MYLK: variants seen among roughly 807,000 people sequenced by gnomAD.
MYLK encodes the protein myosin light chain kinase, smooth muscle.
MYLK carries 106 observed loss-of-function variants against 203.4 expected under a neutral mutation model. The observed-to-expected ratio is 0.52, with a 90% CI of 0.45 to 0.61. The LOEUF is 0.61. Among genes scored for constraint, MYLK ranks in the 20% least tolerant of loss-of-function variants. MYLK has a pLI of 0.00. For missense variants in MYLK, 2,072 were observed against 2,442.3 expected (o/e 0.85, Z 3.20); for synonymous variants, 867 against 959.5 (o/e 0.90, Z 1.78).
At chr3:123,881,707 G>A (rs2033551818) in intron 1 of MYLK, among the ~76,000 whole-genome samples, 1 of 152,050 alleles carries the variant, frequency 6.6e-6, no homozygotes, top group Admixed American at 6.6e-5. Flanking sequence ...CAAACTCTAG[G>A]CTCATCTTAT....
rs145392128 is a variant in MYLK at position 123,667,368 on chromosome 3, G to A, written c.3653-181C>T. Reference sequence around the variant, plus strand: ...TGTAATCTCAGCACTTTGGGAGGCCGAGGCAGGTGGACCACTAGAGGTCAG... The same window carrying A: ...TGTAATCTCAGCACTTTGGGAGGCCAAGGCAGGTGGACCACTAGAGGTCAG... On this transcript the variant is annotated intron_variant, in intron 20 of 33. Transcript: ENST00000360304. Among the ~76,000 whole-genome samples, 43 of 152,174 alleles carry A rather than the reference G, an allele frequency of 2.8e-4. 1 individual carries two copies. The East Asian group carries it at 7.2e-3, about 25-fold the overall frequency.
intron 31 of MYLK, chr3:123,620,972 C>G (rs1302504151): frequency 6.5e-6 from 1 of 153,026 alleles, no homozygotes; most frequent in Non-Finnish European, 1.5e-5. Flanking sequence ...CTCTGGCTGG[C>G]CCCTGCACAA....
At chr3:123,668,316 A>T (rs1306613876) in intron 20 of MYLK, among the ~76,000 whole-genome samples, 2 of 152,240 alleles carry the variant, frequency 1.3e-5, no homozygotes, top group African/African-American at 4.8e-5. Flanking sequence ...TGGCACTTTG[A>T]TGCCACCAAT....
At chr3:123,872,758 A>G (rs1368866884) in intron 2 of MYLK, among the ~76,000 whole-genome samples, 1 of 152,174 alleles carries the variant, frequency 6.6e-6, no homozygotes, top group Non-Finnish European at 1.5e-5. Flanking sequence ...TGCTTAGTCA[A>G]TTCCAAAGCT....
chr3:123,674,032 C>T (rs1452933564), intron 20 of MYLK, among the ~76,000 whole-genome samples: 3 of 152,150 alleles, frequency 2.0e-5, no homozygotes, highest in African/African-American at 7.2e-5. Context: ...CTCTTTCCTC[C>T]ATTTCCCCTG....
intron 3 of MYLK, among the ~76,000 whole-genome samples, chr3:123,829,180 T>A (rs1368066745): frequency 6.6e-6 from 1 of 152,086 alleles, no homozygotes; most frequent in African/African-American, 2.4e-5. Context: ...AGCCAAGAAA[T>A]GGGATCAATG....
intron 19 of MYLK, among the ~76,000 whole-genome samples, chr3:123,688,867 C>T (rs545995533): frequency 1.3e-3 from 201 of 152,278 alleles, no homozygotes; most frequent in Non-Finnish European, 2.4e-3. Flanking sequence ...ATGGTATTCT[C>T]TCCCCCATTA....
intron 24 of MYLK, among the ~76,000 whole-genome samples, chr3:123,653,067 G>A (rs1405702062): frequency 6.6e-6 from 1 of 152,142 alleles, no homozygotes. Context: ...GTAGAAGAGC[G>A]AGAGGCAGGA....
chr3:123,809,634 C>G (rs1255335122), intron 3 of MYLK, among the ~76,000 whole-genome samples: 3 of 152,242 alleles, frequency 2.0e-5, no homozygotes, highest in African/African-American at 7.2e-5. Flanking sequence ...CACTCGCACA[C>G]TCTGCTCTGC....
chr3:123,861,027 G>A (rs2031848459), intron 2 of MYLK, among the ~76,000 whole-genome samples: 1 of 152,082 alleles, frequency 6.6e-6, no homozygotes, highest in South Asian at 2.1e-4. Flanking sequence ...CTACTTGGGA[G>A]GCTGAGGTAG....
At chr3:123,772,567 T>A (rs1576921888) in intron 4 of MYLK, among the ~76,000 whole-genome samples, 1 of 152,180 alleles carries the variant, frequency 6.6e-6, no homozygotes, top group Middle Eastern at 3.4e-3. Context: ...CACTAAAATT[T>A]AAAATTTCTG....
intron 3 of MYLK, among the ~76,000 whole-genome samples, chr3:123,799,056 G>A (rs1457625814): frequency 6.6e-6 from 1 of 152,124 alleles, no homozygotes; most frequent in Admixed American, 6.5e-5. Flanking sequence ...ACCCAGCTAG[G>A]GGGTCTTATT....
intron 3 of MYLK, among the ~76,000 whole-genome samples, chr3:123,829,944 T>C (rs1487643317): frequency 1.3e-5 from 2 of 152,106 alleles, no homozygotes; most frequent in Non-Finnish European, 2.9e-5. Context: ...AGTCCTATGG[T>C]GTCATGTGCC....
rs375516230 is a variant in MYLK at position 123,635,237 on chromosome 3, G to A, written c.4961+2834C>T. ...AGAGGGATAGAGTGGGCCAGAGGATGCCATGAGGGCCACCAGAGAGCCTCT... is the reference window on the plus strand; with the variant it reads ...AGAGGGATAGAGTGGGCCAGAGGATACCATGAGGGCCACCAGAGAGCCTCT... On this transcript the variant is annotated intron_variant, in intron 29 of 33. Transcript: ENST00000360304. 3.3e-5 allele frequency among the ~76,000 whole-genome samples: 5 copies of A among 152,360 alleles called. No individual in the cohort carries two copies. The East Asian group carries it at 9.6e-4, about 29-fold the overall frequency.
In MYLK at chr3:123,700,524, G is replaced by C. The variant is rs375731554; in HGVS notation, c.2944C>G (p.Arg982Gly). The C allele has an allele frequency of 1.2e-6, 2 of 1,613,380 alleles. No individual in the cohort carries two copies. Among genetic ancestry groups the C allele is most frequent in the Non-Finnish European group, 1.7e-6 (2 of 1,179,546 alleles). ...PPPKPATPDF[R>G]SVLGGKKKLP... ...TTCTTCTTGCCACCCAGCACTGAGCGAAAATCCGGGGTGGCAGGTTTTGGC... is the reference window on the plus strand; with the variant it reads ...TTCTTCTTGCCACCCAGCACTGAGCCAAAATCCGGGGTGGCAGGTTTTGGC... Residue 982 changes from arginine to glycine, a missense_variant, in exon 18 of 34, where the codon CGC becomes GGC. Transcript: ENST00000360304.
chr3:123,840,599 C>T (rs1229362481), intron 2 of MYLK, among the ~76,000 whole-genome samples: 2 of 150,946 alleles, frequency 1.3e-5, no homozygotes, highest in African/African-American at 4.9e-5. Flanking sequence ...AAGATAAAGA[C>T]ATTATAAAAA....
chr3:123,856,290 C>T (rs954896100), intron 2 of MYLK, among the ~76,000 whole-genome samples: 3 of 152,152 alleles, frequency 2.0e-5, no homozygotes, highest in African/African-American at 7.2e-5. Context: ...CTGTAACACA[C>T]CACTACAACC....
intron 33 of MYLK, among the ~76,000 whole-genome samples, chr3:123,614,677 G>A (rs2057369874): frequency 6.6e-6 from 1 of 152,158 alleles, no homozygotes; most frequent in African/African-American, 2.4e-5. Context: ...TGCCTAGGCT[G>A]GAGTGTAGTG....
At position 123,700,755 on chromosome 3, in the gene MYLK, C is replaced by T. The variant is rs755396410; in HGVS notation, c.2713G>A (p.Val905Met). 3 of 1,614,226 alleles carry T rather than the reference C, an allele frequency of 1.9e-6. No individual in the cohort carries two copies. Among genetic ancestry groups the T allele is most frequent in the African/African-American group, 1.3e-5 (1 of 75,058 alleles). Reference protein sequence around the residue: ...LDFRDLLGKKVSTKTLSEDDL... With the variant: ...LDFRDLLGKKMSTKTLSEDDL... ...TCTTCCGATAGGGTCTTTGTACTCA[C>T]CTTCTTCCCCAGGAGGTCTCGGAAG... Residue 905 changes from valine (V) to methionine (M), a missense_variant, in exon 18 of 34, where the codon GTG (valine) becomes ATG (methionine). Transcript: ENST00000360304.
Sources: allele counts gnomAD v4.1 joint callset (sites outside exome capture counted in the v4.1 genomes callset), GRCh38; gene constraint gnomAD v4.1.1; transcripts MANE v1.5; gene names NCBI Gene and HGNC (gene_info 2026-07-23, HGNC 2026-07-21).